Variants in PAPPA observed in about 807,000 individuals in gnomAD.
PAPPA encodes the protein pappalysin 1.
Under a neutral mutation model 164.0 loss-of-function variants are expected in PAPPA, and 60 were observed. The ratio of observed to expected loss-of-function variants is 0.37; its 90% confidence interval spans 0.30 to 0.45. The LOEUF is 0.45. PAPPA is among the 20% of genes least tolerant of loss of function. The pLI is 1.00. For missense variants in PAPPA, 1,782 were observed against 2,087.3 expected (o/e 0.85, Z 2.85); for synonymous variants, 875 against 814.1 (o/e 1.07, Z -1.27).
intron 9 of PAPPA, among the ~76,000 whole-genome samples, chr9:116,278,706 A>G (rs957574343): frequency 1.1e-4 from 17 of 152,026 alleles, no homozygotes; most frequent in African/African-American, 3.6e-4. Flanking sequence ...TGTCATAGCA[A>G]TGTTGGAGAC....
intron 1 of PAPPA, among the ~76,000 whole-genome samples, chr9:116,178,640 C>T (rs1356152004): frequency 1.3e-5 from 2 of 152,194 alleles, no homozygotes; most frequent in Admixed American, 6.5e-5. Context: ...AGCCTCACAC[C>T]ACTGTCCATG....
chr9:116,371,142 C>T lies in PAPPA; in HGVS notation c.4605+3388C>T, dbSNP rs77830994. 1.5e-4 allele frequency among the ~76,000 whole-genome samples: 23 copies of T among 151,368 alleles called. 1 individual carries two copies. In the East Asian group the frequency reaches 4.1e-3, roughly 27 times the overall value. ...TATATTAAATACTGAGGCAGCCGGGCGCGGTGGCTCACGCCTGTAATCCCA... is the reference window on the plus strand; with the variant it reads ...TATATTAAATACTGAGGCAGCCGGGTGCGGTGGCTCACGCCTGTAATCCCA... On this transcript the variant is annotated intron_variant, in intron 19 of 21. Transcript: ENST00000328252.
chr9:116,323,733 G>T (rs1845888292), intron 10 of PAPPA, among the ~76,000 whole-genome samples: 1 of 152,246 alleles, frequency 6.6e-6, no homozygotes, highest in South Asian at 2.1e-4. Flanking sequence ...GTGTGGCTTT[G>T]TTTGTTTCTT....
At chr9:116,326,230 A>G (rs992581920) in intron 10 of PAPPA, among the ~76,000 whole-genome samples, 2 of 152,174 alleles carry the variant, frequency 1.3e-5, no homozygotes, top group African/African-American at 4.8e-5. Flanking sequence ...TTTGCCTAGG[A>G]CTACTATATC....
intron 7 of PAPPA, among the ~76,000 whole-genome samples, chr9:116,247,253 G>A (rs182515985): frequency 7.2e-5 from 11 of 152,284 alleles, no homozygotes; most frequent in Admixed American, 5.9e-4. Context: ...AGAGGTCTGT[G>A]TGTATGCAAG....
At chr9:116,269,900 C>T (rs1456778444) in intron 8 of PAPPA, among the ~76,000 whole-genome samples, 2 of 152,202 alleles carry the variant, frequency 1.3e-5, no homozygotes, top group Admixed American at 6.5e-5. Context: ...CTTCTTTGCT[C>T]ATAGGTGTGC....
chr9:116,264,742 T>C (rs188528381), intron 7 of PAPPA, among the ~76,000 whole-genome samples: 10 of 152,342 alleles, frequency 6.6e-5, no homozygotes, highest in Non-Finnish European at 1.5e-4. Context: ...CATGGTACTT[T>C]GTTGTTATTA....
intron 6 of PAPPA, among the ~76,000 whole-genome samples, chr9:116,230,796 G>A (rs969340383): frequency 7.9e-5 from 12 of 152,146 alleles, no homozygotes; most frequent in Admixed American, 2.0e-4. Flanking sequence ...GATATTTGAC[G>A]CCATGTTTTA....
intron 2 of PAPPA, among the ~76,000 whole-genome samples, chr9:116,204,104 G>C (rs996395515): frequency 1.3e-5 from 2 of 152,188 alleles, no homozygotes; most frequent in Non-Finnish European, 2.9e-5. Flanking sequence ...TTCTAGTTAT[G>C]TGCTGGGACT....
At chr9:116,293,554 C>T (rs537781141) in intron 9 of PAPPA, among the ~76,000 whole-genome samples, 14 of 152,264 alleles carry the variant, frequency 9.2e-5, no homozygotes, top group South Asian at 8.3e-4. Context: ...ATGCATTTGA[C>T]GGTGGAGATG....
At chr9:116,323,919 A>G (rs974274113) in intron 10 of PAPPA, among the ~76,000 whole-genome samples, 1 of 152,154 alleles carries the variant, frequency 6.6e-6, no homozygotes, top group African/African-American at 2.4e-5. Flanking sequence ...TGAGCAATTG[A>G]GTCAGTTCTA....
chr9:116,183,249 G>A (rs1209668016), intron 1 of PAPPA, among the ~76,000 whole-genome samples: 1 of 152,114 alleles, frequency 6.6e-6, no homozygotes, highest in Non-Finnish European at 1.5e-5. Context: ...CAGAACCTAA[G>A]CATGCAAGAG....
intron 21 of PAPPA, among the ~76,000 whole-genome samples, chr9:116,386,033 G>A (rs1846806683): frequency 6.6e-6 from 1 of 152,174 alleles, no homozygotes; most frequent in Admixed American, 6.5e-5. Flanking sequence ...AGAGGGAACA[G>A]AGTCTTCCTG....
At chr9:116,383,607 T>C (rs140289758) in intron 21 of PAPPA, among the ~76,000 whole-genome samples, 49 of 152,308 alleles carry the variant, frequency 3.2e-4, no homozygotes, top group African/African-American at 1.2e-3. Context: ...GTTGGTTTCT[T>C]CAAGAAAGAA....
At chr9:116,206,823 A>G (rs72752162) in intron 2 of PAPPA, among the ~76,000 whole-genome samples, 1 of 152,328 alleles carries the variant, frequency 6.6e-6, no homozygotes, top group Non-Finnish European at 1.5e-5. Context: ...TGTTCATTAG[A>G]GAACAAAATG....
intron 10 of PAPPA, chr9:116,316,321 T>G (rs1307251998): frequency 4.6e-5 from 7 of 152,250 alleles, no homozygotes; most frequent in South Asian, 2.1e-4. Context: ...CACATTCCTT[T>G]GATTTAAAAT....
intron 10 of PAPPA, among the ~76,000 whole-genome samples, chr9:116,305,503 A>G (rs1238033073): frequency 6.6e-6 from 1 of 151,938 alleles, no homozygotes; most frequent in African/African-American, 2.4e-5. Context: ...ACATACACAA[A>G]TTTACACACC....
chr9:116,216,729 G>A (rs1041127850), intron 4 of PAPPA, among the ~76,000 whole-genome samples: 18 of 151,490 alleles, frequency 1.2e-4, no homozygotes, highest in Admixed American at 9.9e-4. Context: ...GATAGATTTC[G>A]ACTTCAGCTT....
intron 10 of PAPPA, among the ~76,000 whole-genome samples, chr9:116,323,571 A>G (rs184572699): frequency 1.6e-3 from 241 of 152,120 alleles, no homozygotes; most frequent in Non-Finnish European, 2.6e-3. Context: ...GAGAGAGAGA[A>G]AAAAAACACA....
Sources: gnomAD v4.1 joint callset for allele counts (sites outside exome capture counted in the v4.1 genomes callset) on GRCh38, gnomAD v4.1.1 for gene constraint, MANE v1.5 for transcripts, NCBI Gene and HGNC (gene_info 2026-07-23, HGNC 2026-07-21) for gene names.